The following MACROD1 variants were observed in gnomAD, a reference collection of about 807,000 sequenced individuals.
The protein encoded by MACROD1 is ADP-ribose glycohydrolase MACROD1.
In MACROD1, 31 loss-of-function variants were observed where a neutral mutation model predicts 41.4. That is an observed-to-expected ratio of 0.75 (90% CI 0.56 to 1.01). The LOEUF is 1.01. MACROD1 is among the 50% of genes least tolerant of loss of function. The pLI is 0.00. For missense variants in MACROD1, 473 were observed against 460.0 expected, an observed-to-expected ratio of 1.03 and a Z score of -0.26; for synonymous variants, 252 against 203.4, an observed-to-expected ratio of 1.24 and a Z score of -2.03.
intron 3 of MACROD1, among the ~76,000 whole-genome samples, chr11:64,040,757 T>G (rs1175779667): frequency 2.0e-5 from 3 of 151,950 alleles, no homozygotes; most frequent in Non-Finnish European, 4.4e-5. Flanking sequence ...ATGTTCCCGG[T>G]GCAGGGAAGT....
intron 3 of MACROD1, among the ~76,000 whole-genome samples, chr11:64,139,780 C>T (rs1945384616): frequency 6.6e-6 from 1 of 151,938 alleles, no homozygotes; most frequent in Admixed American, 6.6e-5. Flanking sequence ...CACGGTGAAA[C>T]CCCGTATCTA....
chr11:64,152,295 T>C lies in MACROD1; in HGVS notation c.397A>G (p.Lys133Glu). Residue 133 changes from lysine (K) to glutamate (E), a missense_variant, in exon 2 of 11, where the codon AAA becomes GAA. Coordinates refer to ENST00000255681, the MANE Select transcript of MACROD1 (RefSeq NM_014067.4). Reference protein sequence around the residue: ...KKIPTWKEMAKGVAVKVEEPR... With the variant: ...KKIPTWKEMAEGVAVKVEEPR... ...GCCTCCCCCGAGCAGGGCCTACCTT[T>C]CGCCATCTCCTTCCATGTCGGGATC... 1 of 1,614,224 alleles carries C rather than the reference T, an allele frequency of 6.2e-7. No individual in the cohort carries two copies. The highest frequency in any genetic ancestry group is 8.5e-7 in the Non-Finnish European group (1 of 1,180,024).
intron 3 of MACROD1, among the ~76,000 whole-genome samples, chr11:64,121,009 T>G (rs1398607580): frequency 6.6e-6 from 1 of 152,108 alleles, no homozygotes; most frequent in Non-Finnish European, 1.5e-5. Context: ...GGAAGGCATC[T>G]GGGGACAGCA....
At chr11:64,029,282 C>G (rs1005353546) in intron 3 of MACROD1, among the ~76,000 whole-genome samples, 1 of 152,020 alleles carries the variant, frequency 6.6e-6, no homozygotes, top group Admixed American at 6.5e-5. Context: ...GGCAGAGGAA[C>G]GGGAGGGGAG....
chr11:64,111,336 C>A (rs1369936589), intron 3 of MACROD1, among the ~76,000 whole-genome samples: 1 of 152,206 alleles, frequency 6.6e-6, no homozygotes, highest in Non-Finnish European at 1.5e-5. Flanking sequence ...GCTGGGGGCC[C>A]CCTGGCAGAG....
At position 64,118,339 on chromosome 11, in the gene MACROD1, G is replaced by A. The variant is rs535222834; in HGVS notation, c.517+32900C>T. On this transcript the variant is annotated intron_variant, in intron 3 of 10. Transcript: ENST00000255681. ...CCGCCTCAGCCCCAGCTGCCCTGGCGTGGCCATGTGGCTTTGCCCAGCCTG... is the reference window on the plus strand; with the variant it reads ...CCGCCTCAGCCCCAGCTGCCCTGGCATGGCCATGTGGCTTTGCCCAGCCTG... The A allele has an allele frequency of 1.2e-5, 18 of 1,501,320 alleles. 1 individual carries two copies. The highest frequency in any genetic ancestry group is 1.8e-4 in the Middle Eastern group (1 of 5,432). 93.0% of individuals were successfully genotyped at this position (1,501,320 alleles called of 1,614,324 possible). A position where few individuals can be genotyped will look rare whatever the true frequency, so the allele number is the denominator to read the frequency against.
At chr11:64,129,878 A>C (rs1306056096) in intron 3 of MACROD1, among the ~76,000 whole-genome samples, 1 of 152,114 alleles carries the variant, frequency 6.6e-6, no homozygotes, top group Non-Finnish European at 1.5e-5. Context: ...CAGGACCTGC[A>C]TTTCAGGAAT....
intron 3 of MACROD1, among the ~76,000 whole-genome samples, chr11:64,039,288 G>T (rs908306056): frequency 6.6e-6 from 1 of 152,146 alleles, no homozygotes; most frequent in Non-Finnish European, 1.5e-5. Context: ...GGGTGGGTGG[G>T]GACTGCCCCG....
At chr11:64,019,275 C>G (rs1488148031) in intron 3 of MACROD1, among the ~76,000 whole-genome samples, 1 of 152,174 alleles carries the variant, frequency 6.6e-6, no homozygotes, top group African/African-American at 2.4e-5. Flanking sequence ...GGCTCTGAGC[C>G]CGGTGCTGCG....
intron 3 of MACROD1, 87 bp downstream of exon 3, chr11:64,151,152 G>T: frequency 8.7e-7 from 1 of 1,149,194 alleles, no homozygotes; most frequent in Non-Finnish European, 1.3e-6. Context: ...ACTGGAGCCA[G>T]GTGGCGTCCA....
intron 3 of MACROD1, among the ~76,000 whole-genome samples, chr11:64,037,863 T>C (rs4980502): frequency 0.14 from 20,605 of 152,224 alleles, 1,717 homozygotes; most frequent in Non-Finnish European, 0.18. Flanking sequence ...GTTTCCCTTG[T>C]TGGTAAAATG....
chr11:64,142,442 C>G (rs957235503), intron 3 of MACROD1, among the ~76,000 whole-genome samples: 9 of 152,158 alleles, frequency 5.9e-5, no homozygotes, highest in African/African-American at 2.2e-4. Flanking sequence ...CTCACATTCC[C>G]CATGGAAATG....
intron 3 of MACROD1, among the ~76,000 whole-genome samples, chr11:64,050,237 C>T (rs1943667609): frequency 6.6e-6 from 1 of 152,156 alleles, no homozygotes; most frequent in African/African-American, 2.4e-5. Flanking sequence ...GATGACCCAT[C>T]CCCACAAGAG....
rs544567145 is a variant in MACROD1 at position 64,118,144 on chromosome 11, C to T, written c.517+33095G>A. The T allele has an allele frequency of 9.9e-6, 16 of 1,613,812 alleles. No individual in the cohort carries two copies. Among genetic ancestry groups the T allele is most frequent in the African/African-American group, 4.0e-5 (3 of 75,068 alleles). ...GGGCTGCAGATGCTGCCCATCAACC[C>T]GTACCGCGCCAAAGAAGAGTACGTG... is the stretch of plus-strand genomic sequence containing the variant. On this transcript the variant is annotated intron_variant, in intron 3 of 10. Transcript: ENST00000255681.
intron 3 of MACROD1, chr11:64,116,544 A>G: frequency 6.2e-7 from 1 of 1,613,970 alleles, no homozygotes; most frequent in Non-Finnish European, 8.5e-7. Context: ...GAACAACCAG[A>G]TCAACAACGC....
In MACROD1 at chr11:64,122,380, G is replaced by A. The variant is rs1025798757; in HGVS notation, c.517+28859C>T. 2.0e-5 allele frequency among the ~76,000 whole-genome samples: 3 copies of A among 152,192 alleles called. No homozygotes were observed. Among genetic ancestry groups the A allele is most frequent in the Non-Finnish European group, 4.4e-5 (3 of 68,024 alleles). On this transcript the variant is annotated intron_variant, in intron 3 of 10. Coordinates refer to ENST00000255681, the MANE Select transcript of MACROD1 (RefSeq NM_014067.4). The surrounding 1 kb of genome is among the most constrained non-coding windows in gnomAD (Gnocchi z 4.0). The stretch of plus-strand genomic sequence containing the variant: ...CCTGGCTCTGGGTGACGCTGGCAGG[G>A]GAGGGGACAGCACCTGGGAAGATGG...
At chr11:64,066,075 T>A (rs1163861889) in intron 3 of MACROD1, among the ~76,000 whole-genome samples, 2 of 151,678 alleles carry the variant, frequency 1.3e-5, no homozygotes, top group Non-Finnish European at 2.9e-5. Flanking sequence ...GGTGGGCGGA[T>A]CACCTGAGGT....
rs376728392 is a variant in MACROD1, at chr11:64,015,265, G to A, written c.534C>T (p.Leu178=). Residue 178 remains leucine (L), a synonymous_variant, in exon 4 of 11, where the codon CTC becomes CTT. Transcript: ENST00000255681. ...AGGTCCACTCACCGCCACCGCCTCC[G>A]AGCAGGGAGCTGTTGGCTGCAAGAG... is the stretch of plus-strand genomic sequence containing the variant. ...AIVNAANSSL[L]GGGGVDGCIH... The A allele has an allele frequency of 1.1e-4, 177 of 1,605,424 alleles. No homozygotes were observed. Among genetic ancestry groups the A allele is most frequent in the Non-Finnish European group, 1.4e-4 (168 of 1,176,110 alleles).
chr11:64,004,002 C>T (rs546633251), intron 4 of MACROD1, among the ~76,000 whole-genome samples: 9 of 152,318 alleles, frequency 5.9e-5, no homozygotes, highest in Admixed American at 2.6e-4. Context: ...TTCCTCAGGC[C>T]GCTCCTCAAA....
Sources: gnomAD v4.1 joint callset for allele counts (sites outside exome capture counted in the v4.1 genomes callset) on GRCh38, gnomAD v4.1.1 for gene constraint, Gnocchi (gnomAD v3.1) non-coding constraint, MANE v1.5 for transcripts, NCBI Gene and HGNC (gene_info 2026-07-23, HGNC 2026-07-21) for gene names.